The following TTC7B variants were observed in gnomAD, a reference collection of about 807,000 sequenced individuals.
TTC7B encodes tetratricopeptide repeat domain 7B, also known as tetratricopeptide repeat protein 7B.
Under a neutral mutation model 106.8 loss-of-function variants are expected in TTC7B, and 28 were observed. The observed-to-expected ratio is 0.26, with a 90% CI of 0.19 to 0.36. TTC7B has a LOEUF of 0.36. Among genes scored for constraint, TTC7B ranks in the 10% least tolerant of loss-of-function variants. The pLI is 1.00. For missense variants in TTC7B, 862 were observed against 1,076.4 expected, an observed-to-expected ratio of 0.80 and a Z score of 2.79; for synonymous variants, 405 against 430.6, an observed-to-expected ratio of 0.94 and a Z score of 0.74.
intron 15 of TTC7B, among the ~76,000 whole-genome samples, chr14:90,641,760 G>T (rs1885181489): frequency 6.6e-6 from 1 of 152,102 alleles, no homozygotes; most frequent in Non-Finnish European, 1.5e-5. Context: ...ACTTGAAAAG[G>T]CTGTCAGCTG....
rs1566754082 is a variant in TTC7B, at chr14:90,529,559, G to T, written c.*11809C>A. The T allele has an allele frequency of 6.6e-6, 1 of 152,330 alleles. No individual in the cohort carries two copies. Among genetic ancestry groups the T allele is most frequent in the African/African-American group, 2.4e-5 (1 of 41,574 alleles). 9.4% of individuals were successfully genotyped at this position (152,330 alleles called of 1,614,324 possible). On this transcript the variant is annotated 3_prime_UTR_variant, in exon 20 of 20. Transcript: ENST00000328459. ...GTGAGTGGCTAAGAGTATGGATTCT[G>T]GAGTCAGGCAACCTGGGTTCAAGGC...
chr14:90,781,855 A>G (rs1257151274), intron 2 of TTC7B, among the ~76,000 whole-genome samples: 1 of 151,960 alleles, frequency 6.6e-6, no homozygotes. Context: ...CCCTCTCCCC[A>G]AAGCCTCATC....
In TTC7B at chr14:90,534,135, G is replaced by A. The variant is rs568050758; in HGVS notation, c.*7233C>T. On this transcript the variant is annotated 3_prime_UTR_variant, in exon 20 of 20. Transcript: ENST00000328459. The stretch of plus-strand genomic sequence containing the variant: ...TGGGTCCCCCACGGTGTGACCTTGA[G>A]GGGGGGCCTCAGCCTGGCCCCCAAA... 21 of 152,516 alleles carry A rather than the reference G, an allele frequency of 1.4e-4. No individual in the cohort carries two copies. The highest frequency in any genetic ancestry group is 5.2e-4 in the Admixed American group (8 of 15,312). The allele number at this position is 152,516 out of a possible 1,614,324, so 9.4% of individuals were successfully genotyped here. A position where few individuals can be genotyped will look rare whatever the true frequency, so the allele number is the denominator to read the frequency against.
intron 19 of TTC7B, among the ~76,000 whole-genome samples, chr14:90,560,334 G>A (rs140855921): frequency 2.7e-4 from 41 of 152,336 alleles, no homozygotes; most frequent in African/African-American, 8.9e-4. Flanking sequence ...GGGACATACT[G>A]GCATCAGCTG....
intron 3 of TTC7B, 55 bp from the exon 4 acceptor site, chr14:90,744,977 T>C (rs1889907789): frequency 6.4e-7 from 1 of 1,573,168 alleles, no homozygotes; most frequent in Non-Finnish European, 8.7e-7. Flanking sequence ...TAAGGCTTCA[T>C]TTTTAAATAT....
chr14:90,652,615 G>C (rs1885775545), intron 13 of TTC7B, among the ~76,000 whole-genome samples: 2 of 152,058 alleles, frequency 1.3e-5, no homozygotes, highest in Non-Finnish European at 2.9e-5. Context: ...ACTTTATTAG[G>C]AATGAATAAA....
intron 15 of TTC7B, among the ~76,000 whole-genome samples, chr14:90,637,425 G>C (rs923840424): frequency 6.6e-6 from 1 of 151,196 alleles, no homozygotes; most frequent in Non-Finnish European, 1.5e-5. Context: ...GCCCCACATG[G>C]TTTTACAGAT....
chr14:90,712,984 T>A (rs1374581225), intron 5 of TTC7B, among the ~76,000 whole-genome samples: 1 of 151,582 alleles, frequency 6.6e-6, no homozygotes, highest in Admixed American at 6.6e-5. Context: ...TGTTAAATTA[T>A]TTTTTTTTAC....
chr14:90,775,716 C>A (rs1891005683), intron 3 of TTC7B, among the ~76,000 whole-genome samples: 1 of 152,054 alleles, frequency 6.6e-6, no homozygotes, highest in African/African-American at 2.4e-5. Context: ...GGGCAAGTCC[C>A]TTCTCCTCTC....
intron 15 of TTC7B, among the ~76,000 whole-genome samples, chr14:90,627,780 C>T (rs1884513585): frequency 6.6e-6 from 1 of 152,210 alleles, no homozygotes. Context: ...AAACAACTGA[C>T]ATAGTTAGCT....
intron 1 of TTC7B, among the ~76,000 whole-genome samples, chr14:90,813,154 C>G (rs1249306491): frequency 2.0e-5 from 3 of 152,212 alleles, no homozygotes; most frequent in Non-Finnish European, 4.4e-5. Context: ...CAGATGTTGC[C>G]TTCTTGGGGA....
chr14:90,618,329 T>A (rs1252111077), intron 15 of TTC7B, among the ~76,000 whole-genome samples: 1 of 152,268 alleles, frequency 6.6e-6, no homozygotes, highest in African/African-American at 2.4e-5. Flanking sequence ...GGGAATTTAT[T>A]AAAAGCATGC....
intron 19 of TTC7B, among the ~76,000 whole-genome samples, chr14:90,559,434 G>A (rs1409475231): frequency 6.6e-6 from 1 of 152,248 alleles, no homozygotes; most frequent in Non-Finnish European, 1.5e-5. Context: ...GGGCACTGGC[G>A]GGGCAGCTCT....
chr14:90,694,099 A>G (rs1349497597), intron 6 of TTC7B, among the ~76,000 whole-genome samples: 2 of 152,190 alleles, frequency 1.3e-5, no homozygotes, highest in South Asian at 2.1e-4. Context: ...AAGAAAGCCA[A>G]TCACAAAAAG....
intron 3 of TTC7B, among the ~76,000 whole-genome samples, chr14:90,776,935 G>A (rs1447454948): frequency 6.6e-6 from 1 of 152,168 alleles, no homozygotes; most frequent in Non-Finnish European, 1.5e-5. Context: ...CTCATAGGTG[G>A]TGGCAAAGAC....
intron 18 of TTC7B, among the ~76,000 whole-genome samples, chr14:90,581,861 C>T (rs1351688658): frequency 6.6e-6 from 1 of 152,138 alleles, no homozygotes; most frequent in East Asian, 1.9e-4. Context: ...CTGATGTTCT[C>T]GCTCCCTTCA....
rs758819254 is a variant in TTC7B, at chr14:90,618,001, G to A, written c.1796C>T (p.Pro599Leu). ...CTTACAAGTCAGCAGTGCCTCGTCC[G>A]GGCCTCGGCAGAGTGACTGCAACTT... ...KVKLQSLCRGPDEALLTCKHM... is the reference protein window; with the variant it reads ...KVKLQSLCRGLDEALLTCKHM... The change falls in exon 16 of 20, where the codon CCG (proline) becomes CTG (leucine). Residue 599 changes from proline (P) to leucine (L), a missense_variant. Pro to Leu is a moderately conservative substitution (Grantham distance 98). Coordinates refer to ENST00000328459, the MANE Select transcript of TTC7B (RefSeq NM_001010854.2). 9.3e-6 allele frequency: 15 copies of A among 1,613,722 alleles called. No homozygotes were observed. The highest frequency in any genetic ancestry group is 4.0e-5 in the African/African-American group (3 of 74,916).
rs1272254515 is a variant in TTC7B at position 90,584,808 on chromosome 14, C to G, written c.2108-6500G>C. ...CCCTAAAGAGAGATGCTGTGGAGGG[C>G]AGAGGGGTCCCACCTGATCGCAGGG... On this transcript the variant is annotated intron_variant, in intron 18 of 19. Coordinates refer to ENST00000328459, the MANE Select transcript of TTC7B (RefSeq NM_001010854.2). Among the ~76,000 whole-genome samples the G allele has an allele frequency of 3.9e-5, 6 of 152,160 alleles. No individual in the cohort carries two copies. In the South Asian group the frequency reaches 1.2e-3, roughly 32 times the overall value.
intron 4 of TTC7B, among the ~76,000 whole-genome samples, chr14:90,732,400 C>T (rs1224117701): frequency 6.6e-6 from 1 of 152,146 alleles, no homozygotes; most frequent in Non-Finnish European, 1.5e-5. Context: ...CTATAAGCAG[C>T]CTGAATAATT....
Sources: gnomAD v4.1 joint callset for allele counts (sites outside exome capture counted in the v4.1 genomes callset) on GRCh38, gnomAD v4.1.1 for gene constraint, MANE v1.5 for transcripts, NCBI Gene and HGNC (gene_info 2026-07-23, HGNC 2026-07-21) for gene names.